NELL1: variants seen among roughly 807,000 people sequenced by gnomAD.
NELL1 encodes the protein protein kinase C-binding protein NELL1.
A neutral mutation model predicts 107.4 loss-of-function variants in NELL1; 76 were observed. That is an observed-to-expected ratio of 0.71 (90% CI 0.59 to 0.86). The LOEUF (loss-of-function observed/expected upper bound fraction) is 0.86. NELL1 is among the 40% of genes least tolerant of loss of function. The probability of loss-of-function intolerance (pLI) is 0.00; values close to 1 mark genes in which losing one functional copy is unlikely to be tolerated. For synonymous variants in NELL1, 353 were observed against 341.2 expected (o/e 1.03, Z -0.38); for missense variants, 1,024 against 1,005.5 (o/e 1.02, Z -0.25).
At chr11:20,795,042 T>G (rs763016286) in intron 3 of NELL1, among the ~76,000 whole-genome samples, 46 of 152,354 alleles carry the variant, frequency 3.0e-4, no homozygotes, top group Non-Finnish European at 5.1e-4. Context: ...TTCGGGCTAC[T>G]CTCAGGCACA....
chr11:21,121,195 A>G (rs1426403241), intron 13 of NELL1, among the ~76,000 whole-genome samples: 1 of 152,184 alleles, frequency 6.6e-6, no homozygotes, highest in Non-Finnish European at 1.5e-5. Context: ...TATGGAGAGA[A>G]TATCAGAGGG....
intron 2 of NELL1, among the ~76,000 whole-genome samples, chr11:20,691,045 A>G (rs1376888027): frequency 6.6e-6 from 1 of 151,922 alleles, no homozygotes; most frequent in Non-Finnish European, 1.5e-5. Context: ...CTTTGAAGCA[A>G]TTGTGAATGG....
At chr11:21,110,021 C>T (rs1232612110) in intron 12 of NELL1, among the ~76,000 whole-genome samples, 1 of 152,082 alleles carries the variant, frequency 6.6e-6, no homozygotes, top group Admixed American at 6.6e-5. Context: ...CTTCTTGTTT[C>T]AAGAGAATCA....
intron 14 of NELL1, among the ~76,000 whole-genome samples, chr11:21,353,181 A>ATT (rs1038165697): frequency 4.1e-4 from 62 of 152,268 alleles, no homozygotes; most frequent in African/African-American, 1.4e-3. Context: ...CATGTGGACT[A>ATT]AACAGATGGG....
chr11:21,358,186 A>C (rs1040972234), intron 14 of NELL1, among the ~76,000 whole-genome samples: 14 of 152,158 alleles, frequency 9.2e-5, no homozygotes, highest in African/African-American at 3.4e-4. Flanking sequence ...GTGAAGAATG[A>C]TGATGGTCCT....
At chr11:21,150,863 A>G (rs75357773) in intron 13 of NELL1, among the ~76,000 whole-genome samples, 1,624 of 152,304 alleles carry the variant, frequency 0.011, 21 homozygotes, top group African/African-American at 0.037. Context: ...CAGGCTGTAC[A>G]GGAAGCATGG....
Position 20,692,242 on chromosome 11 carries a change from G to A in NELL1, c.184+14182G>A, listed in dbSNP as rs551816368. On this transcript the variant is annotated intron_variant, in intron 2 of 19. Transcript: ENST00000357134. Reference sequence around the variant, plus strand: ...GATCCTTTCAAAAAACCAGCTCCTGGATTCATTAATTTTTTGAAGGGTTTT... The same window carrying A: ...GATCCTTTCAAAAAACCAGCTCCTGAATTCATTAATTTTTTGAAGGGTTTT... 1.0e-3 allele frequency among the ~76,000 whole-genome samples: 151 copies of A among 150,730 alleles called. 2 individuals carry two copies. In the South Asian group the frequency reaches 0.018, roughly 18 times the overall value.
chr11:20,692,650 A>G (rs1336770988), intron 2 of NELL1, among the ~76,000 whole-genome samples: 1 of 151,534 alleles, frequency 6.6e-6, no homozygotes, highest in Non-Finnish European at 1.5e-5. Context: ...GGTCTGAGAG[A>G]CAGTTTGTTA....
At chr11:20,884,692 A>G (rs1849472675) in intron 4 of NELL1, among the ~76,000 whole-genome samples, 1 of 152,172 alleles carries the variant, frequency 6.6e-6, no homozygotes. Flanking sequence ...TAGGGCTCTG[A>G]CATCTTCTGT....
chr11:21,314,162 T>G (rs1411902674), intron 14 of NELL1, among the ~76,000 whole-genome samples: 1 of 151,982 alleles, frequency 6.6e-6, no homozygotes, highest in Non-Finnish European at 1.5e-5. Flanking sequence ...AAACCTCTTT[T>G]CTTATAAATT....
At chr11:21,522,901 C>T (rs1347730521) in intron 15 of NELL1, among the ~76,000 whole-genome samples, 2 of 121,248 alleles carry the variant, frequency 1.6e-5, no homozygotes, top group African/African-American at 3.2e-5. Flanking sequence ...AGTGCAGTGG[C>T]TCGATCTTGG....
intron 12 of NELL1, among the ~76,000 whole-genome samples, chr11:20,963,755 T>C (rs1213074500): frequency 3.3e-5 from 5 of 152,128 alleles, no homozygotes; most frequent in African/African-American, 4.8e-5. Context: ...TTATTTTTAC[T>C]CTGAGTAAAT....
intron 3 of NELL1, among the ~76,000 whole-genome samples, chr11:20,819,621 C>G (rs939902068): frequency 6.6e-6 from 1 of 152,148 alleles, no homozygotes; most frequent in Non-Finnish European, 1.5e-5. Flanking sequence ...AGATAAATAA[C>G]CTCTGAGCTG....
intron 12 of NELL1, among the ~76,000 whole-genome samples, chr11:20,999,025 A>C (rs1348078045): frequency 6.6e-6 from 1 of 152,158 alleles, no homozygotes; most frequent in Admixed American, 6.5e-5. Context: ...ACATTTGGCT[A>C]AGTTCAGGTT....
intron 16 of NELL1, among the ~76,000 whole-genome samples, chr11:21,557,526 A>C (rs1856747727): frequency 6.6e-6 from 1 of 152,008 alleles, no homozygotes; most frequent in Non-Finnish European, 1.5e-5. Flanking sequence ...GGATGGGTTG[A>C]AGTTATACTT....
At chr11:20,715,298 TTTTTG>T (rs1431757468) in intron 2 of NELL1, among the ~76,000 whole-genome samples, 1,417 of 12,030 alleles carry the variant, frequency 0.12, 21 homozygotes, top group African/African-American at 0.13. Flanking sequence ...TTGAGCTGGG[TTTTTG>T]TTTTTTTTTT....
intron 3 of NELL1, among the ~76,000 whole-genome samples, chr11:20,809,148 G>C (rs1423320069): frequency 2.0e-5 from 3 of 152,104 alleles, no homozygotes; most frequent in African/African-American, 7.2e-5. Flanking sequence ...GTGAATAGGG[G>C]TTTGGGTGTT....
chr11:21,469,209 C>A (rs893630070), intron 15 of NELL1, among the ~76,000 whole-genome samples: 1 of 151,990 alleles, frequency 6.6e-6, no homozygotes, highest in African/African-American at 2.4e-5. Flanking sequence ...ACTAACATAA[C>A]ATCTAAGTAG....
intron 2 of NELL1, among the ~76,000 whole-genome samples, chr11:20,685,752 C>T (rs566087666): frequency 2.0e-5 from 3 of 152,070 alleles, no homozygotes; most frequent in East Asian, 1.9e-4. Flanking sequence ...TATCATCTGC[C>T]TTATGCATTA....
Sources: gnomAD v4.1 joint callset for allele counts (sites outside exome capture counted in the v4.1 genomes callset) on GRCh38, gnomAD v4.1.1 for gene constraint, MANE v1.5 for transcripts, NCBI Gene and HGNC (gene_info 2026-07-23, HGNC 2026-07-21) for gene names.